KIAA1958: variants seen among roughly 807,000 people sequenced by gnomAD.
KIAA1958 encodes the protein uncharacterized protein KIAA1958.
Under a neutral mutation model 47.2 loss-of-function variants are expected in KIAA1958, and 14 were observed. The observed-to-expected ratio is 0.30, with a 90% CI of 0.20 to 0.46. The LOEUF is 0.46. KIAA1958 is among the 20% of genes least tolerant of loss of function. The pLI is 1.00. For missense variants in KIAA1958, 803 were observed against 909.2 expected, an observed-to-expected ratio of 0.88 and a Z score of 1.50; for synonymous variants, 354 against 353.3, an observed-to-expected ratio of 1.00 and a Z score of -0.02.
chr9:112,615,103 A>G (rs1222643606), intron 2 of KIAA1958, among the ~76,000 whole-genome samples: 1 of 152,164 alleles, frequency 6.6e-6, no homozygotes, highest in East Asian at 1.9e-4. Flanking sequence ...TTTGTAAAAA[A>G]GGAGTAGTGA....
At chr9:112,645,161 C>T (rs1836955569) in intron 2 of KIAA1958, among the ~76,000 whole-genome samples, 1 of 151,604 alleles carries the variant, frequency 6.6e-6, no homozygotes, top group African/African-American at 2.4e-5. Flanking sequence ...ATGCTAACAC[C>T]ATTTAATTCA....
intron 2 of KIAA1958, among the ~76,000 whole-genome samples, chr9:112,577,854 A>G (rs902435352): frequency 6.6e-6 from 1 of 151,834 alleles, no homozygotes; most frequent in African/African-American, 2.4e-5. Context: ...TGGAAATTGC[A>G]CTTCTTATAT....
chr9:112,576,317 A>G (rs1232503870), intron 2 of KIAA1958, among the ~76,000 whole-genome samples: 1 of 152,164 alleles, frequency 6.6e-6, no homozygotes, highest in Non-Finnish European at 1.5e-5. Context: ...TATGCTTTTC[A>G]GTTTATTCAC....
At chr9:112,512,922 C>T (rs1442110711) in intron 1 of KIAA1958, among the ~76,000 whole-genome samples, 4 of 152,072 alleles carry the variant, frequency 2.6e-5, no homozygotes, top group Non-Finnish European at 4.4e-5. Context: ...ACTGCAACTT[C>T]TGCCTTCCAG....
intron 3 of KIAA1958, among the ~76,000 whole-genome samples, chr9:112,653,285 T>C (rs1200581208): frequency 1.3e-5 from 2 of 152,130 alleles, no homozygotes; most frequent in Admixed American, 6.5e-5. Flanking sequence ...AGAAGTTCGA[T>C]GAAGCTGGAA....
chr9:112,515,228 A>C (rs1214686421), intron 1 of KIAA1958, among the ~76,000 whole-genome samples: 1 of 75,806 alleles, frequency 1.3e-5, no homozygotes, highest in Non-Finnish European at 2.8e-5. Flanking sequence ...TCAGCCCCCC[A>C]CCCGGCCAGC....
intron 1 of KIAA1958, among the ~76,000 whole-genome samples, chr9:112,521,527 A>G (rs558112101): frequency 6.6e-6 from 1 of 152,264 alleles, no homozygotes; most frequent in Non-Finnish European, 1.5e-5. Context: ...TGAATAGTCT[A>G]TATTAATTAG....
At chr9:112,501,640 C>T (rs977758242) in intron 1 of KIAA1958, among the ~76,000 whole-genome samples, 1 of 152,102 alleles carries the variant, frequency 6.6e-6, no homozygotes, top group African/African-American at 2.4e-5. Flanking sequence ...CCAAGCATTT[C>T]GGGCAGAGAA....
Position 112,629,871 on chromosome 9 carries a change from C to T in KIAA1958, c.1172-15779C>T, listed in dbSNP as rs111999428. On this transcript the variant is annotated intron_variant, in intron 2 of 3. Coordinates refer to ENST00000337530, the MANE Select transcript of KIAA1958 (RefSeq NM_133465.4). ...CTATAATGAGAGCATGCTTGAGTCA[C>T]AGTGTTTTGTCTGTATTTGGGCATG... 1.5e-3 allele frequency among the ~76,000 whole-genome samples: 226 copies of T among 152,314 alleles called. 1 individual carries two copies. Among genetic ancestry groups the T allele is most frequent in the African/African-American group, 5.3e-3 (220 of 41,570 alleles).
chr9:112,582,877 C>T (rs1835758484), intron 2 of KIAA1958, among the ~76,000 whole-genome samples: 1 of 152,146 alleles, frequency 6.6e-6, no homozygotes, highest in South Asian at 2.1e-4. Context: ...ACTGAAGCAG[C>T]ACATACAATT....
chr9:112,604,950 A>G (rs1469517936), intron 2 of KIAA1958, among the ~76,000 whole-genome samples: 2 of 147,324 alleles, frequency 1.4e-5, no homozygotes, highest in Non-Finnish European at 3.0e-5. Context: ...ATATATTTTA[A>G]TATATGTTTA....
rs114069781 is a variant in KIAA1958 at position 112,544,309 on chromosome 9, A to G, written c.-24-29748A>G. Among the ~76,000 whole-genome samples, 1,148 of 152,364 alleles carry G rather than the reference A, an allele frequency of 7.5e-3. 16 individuals carry two copies. Among genetic ancestry groups the G allele is most frequent in the African/African-American group, 0.026 (1,102 of 41,592 alleles). Reference sequence around the variant, plus strand: ...ACTATTCAATCCTTTTGTTTTACTCATGAAAAACTCAGAGTTCTAATTGCT... The same window carrying G: ...ACTATTCAATCCTTTTGTTTTACTCGTGAAAAACTCAGAGTTCTAATTGCT... On this transcript the variant is annotated intron_variant, in intron 1 of 3. Transcript: ENST00000337530.
intron 1 of KIAA1958, among the ~76,000 whole-genome samples, chr9:112,510,974 A>C (rs1289929643): frequency 2.0e-5 from 3 of 152,056 alleles, no homozygotes; most frequent in Non-Finnish European, 4.4e-5. Context: ...AAAGCAAGGA[A>C]GATTTTTACA....
At chr9:112,570,289 T>G (rs552485359) in intron 1 of KIAA1958, among the ~76,000 whole-genome samples, 1 of 152,354 alleles carries the variant, frequency 6.6e-6, no homozygotes, top group South Asian at 2.1e-4. Flanking sequence ...AGGGCGTTTT[T>G]TGAATGGAAG....
At chr9:112,611,383 G>C (rs1432217723) in intron 2 of KIAA1958, among the ~76,000 whole-genome samples, 1 of 152,122 alleles carries the variant, frequency 6.6e-6, no homozygotes, top group Non-Finnish European at 1.5e-5. Context: ...GGGTAAGTTG[G>C]TTGGGTACAA....
chr9:112,492,104 C>T (rs1341713893), intron 1 of KIAA1958, among the ~76,000 whole-genome samples: 1 of 152,182 alleles, frequency 6.6e-6, no homozygotes, highest in African/African-American at 2.4e-5. Flanking sequence ...GGACTACTTC[C>T]TCTTCTCAGC....
At chr9:112,597,953 A>T (rs1836061788) in intron 2 of KIAA1958, among the ~76,000 whole-genome samples, 1 of 152,214 alleles carries the variant, frequency 6.6e-6, no homozygotes. Context: ...AGTGGGGAAA[A>T]AAAGGTTCCT....
Position 112,628,324 on chromosome 9 carries a change from A to C in KIAA1958, c.1172-17326A>C, listed in dbSNP as rs182393919. 1.3e-3 allele frequency among the ~76,000 whole-genome samples: 197 copies of C among 152,354 alleles called. No individual in the cohort carries two copies. In the Middle Eastern group the frequency reaches 0.024, roughly 18 times the overall value. Reference sequence around the variant, plus strand: ...CATTGCTGATGAAATTACTGATTTAATTCTAAGACTATCAAAACTAATTCG... The same window carrying C: ...CATTGCTGATGAAATTACTGATTTACTTCTAAGACTATCAAAACTAATTCG... On this transcript the variant is annotated intron_variant, in intron 2 of 3. Coordinates refer to ENST00000337530, the MANE Select transcript of KIAA1958 (RefSeq NM_133465.4).
At chr9:112,488,494 A>G (rs748136546) in intron 1 of KIAA1958, among the ~76,000 whole-genome samples, 12 of 152,176 alleles carry the variant, frequency 7.9e-5, no homozygotes, top group Non-Finnish European at 1.5e-4. Flanking sequence ...TATCAATCTC[A>G]ATCTACTGCT....
Sources: gnomAD v4.1 joint callset for allele counts (sites outside exome capture counted in the v4.1 genomes callset) on GRCh38, gnomAD v4.1.1 for gene constraint, MANE v1.5 for transcripts, NCBI Gene and HGNC (gene_info 2026-07-23, HGNC 2026-07-21) for gene names.